Variants in CACNA1S observed in about 807,000 individuals in gnomAD.
The protein encoded by CACNA1S is voltage-dependent L-type calcium channel subunit alpha-1S.
Under a neutral mutation model 207.4 loss-of-function variants are expected in CACNA1S, and 126 were observed. That is an observed-to-expected ratio of 0.61 (90% CI 0.53 to 0.70). The LOEUF is 0.70. Among genes scored for constraint, CACNA1S ranks in the 30% least tolerant of loss-of-function variants. The pLI, the probability that CACNA1S is intolerant of heterozygous loss-of-function variation, is 0.00. For synonymous variants in CACNA1S, 960 were observed against 932.7 expected (o/e 1.03, Z -0.53); for missense variants, 2,349 against 2,422.8 (o/e 0.97, Z 0.64).
chr1:201,059,604 T>C (rs1660971157), intron 26 of CACNA1S, among the ~76,000 whole-genome samples: 1 of 152,210 alleles, frequency 6.6e-6, no homozygotes, highest in Non-Finnish European at 1.5e-5. Context: ...CCAAAGCTCA[T>C]TTACATATCT....
chr1:201,043,157 G>A, intron 40 of CACNA1S, 124 bp downstream of exon 40: 1 of 1,277,892 alleles, frequency 7.8e-7, no homozygotes, highest in Non-Finnish European at 1.1e-6. Context: ...GGATGGATTG[G>A]GGCACAAAGG....
intron 43 of CACNA1S, 65 bp from the exon 44 acceptor site, chr1:201,040,147 G>A: frequency 2.5e-6 from 4 of 1,611,884 alleles, no homozygotes; most frequent in Non-Finnish European, 3.4e-6. Context: ...ACCTGCCTCT[G>A]TTGGCCCTAC....
In CACNA1S at chr1:201,072,031, A is replaced by G. The variant is rs567399009; in HGVS notation, c.2227+724T>C. 1.3e-3 allele frequency among the ~76,000 whole-genome samples: 198 copies of G among 152,290 alleles called. 2 individuals are homozygous for G. Among genetic ancestry groups the G allele is most frequent in the African/African-American group, 4.5e-3 (185 of 41,556 alleles). The stretch of plus-strand genomic sequence containing the variant: ...TACAAGTAGCTGATCAGCTGATGGG[A>G]CAAGTAGATCTAAAATTGCCCCACT... On this transcript the variant is annotated intron_variant, in intron 16 of 43. Coordinates refer to ENST00000362061, the MANE Select transcript of CACNA1S (RefSeq NM_000069.3).
chr1:201,058,567 T>C (rs1036548214), intron 27 of CACNA1S, 76 bp from the exon 28 acceptor site: 65 of 1,195,724 alleles, frequency 5.4e-5, no homozygotes, highest in Non-Finnish European at 7.3e-5. Flanking sequence ...CAGAGGACAG[T>C]GTCCCACCCG....
rs550787562 is a variant in CACNA1S at position 201,103,371 on chromosome 1, G to A, written c.258+6793C>T. 6.6e-5 allele frequency among the ~76,000 whole-genome samples: 10 copies of A among 152,278 alleles called. No individual in the cohort carries two copies. In the South Asian group the frequency reaches 1.9e-3, roughly 28 times the overall value. ...GAGGCAGGTTGGTTTGACTTGAGAG[G>A]CCGTCCTTTCCTGCGACTCCCCAGG... On this transcript the variant is annotated intron_variant, in intron 2 of 43. Coordinates refer to ENST00000362061, the MANE Select transcript of CACNA1S (RefSeq NM_000069.3).
At chr1:201,041,373 A>C in intron 41 of CACNA1S, 131 bp downstream of exon 41, 1 of 734,228 alleles carries the variant, frequency 1.4e-6, no homozygotes. Flanking sequence ...CAGGGCCCAG[A>C]TGACTGCCAT....
In CACNA1S at chr1:201,074,588, C is replaced by T. The variant is rs764736462; in HGVS notation, c.1981G>A (p.Val661Met). 8.1e-6 allele frequency: 13 copies of T among 1,613,510 alleles called. No homozygotes were observed. Among genetic ancestry groups the T allele is most frequent in the East Asian group, 2.2e-5 (1 of 44,896 alleles). The change falls in exon 14 of 44, where the codon GTG becomes ATG. Residue 661 changes from valine (V) to methionine (M), a missense_variant. Coordinates refer to ENST00000362061, the MANE Select transcript of CACNA1S (RefSeq NM_000069.3). ...CTCTCCGCCTCGGCCAGGTTGTCCA[C>T]GGCAATGGCCAGGAAGACATTGAGC... ...ILLNVFLAIA[V>M]DNLAEAESLT... is the part of the protein sequence containing the mutation.
In CACNA1S at chr1:201,053,515, G is replaced by A; in HGVS notation, c.3739C>T (p.Leu1247=). 6.2e-7 allele frequency: 1 copy of A among 1,614,174 alleles called. No individual in the cohort carries two copies. The highest frequency in any genetic ancestry group is 8.5e-7 in the Non-Finnish European group (1 of 1,180,016). The change falls in exon 30 of 44, where the codon CTG becomes TTG. Residue 1247 remains leucine, a synonymous_variant. Transcript: ENST00000362061. This position sits in a 1 kb window ranked among gnomAD's most constrained non-coding sequence, Gnocchi z 5.1. ...GTTCGCACTCCTTCTGCCCGGCTCA[G>A]CAGCTTGATCAGCCTCATGACACGG... The part of the protein sequence containing the change: ...LFRVMRLIKL[L]SRAEGVRTLL...
intron 34 of CACNA1S, 39 bp from the exon 35 acceptor site, chr1:201,049,138 C>G (rs763712917): frequency 1.3e-5 from 19 of 1,415,688 alleles, no homozygotes; most frequent in South Asian, 1.3e-4. Flanking sequence ...CTGCTACCCT[C>G]CTCCGCTGCC....
intron 6 of CACNA1S, 99 bp downstream of exon 6, chr1:201,089,159 G>T: frequency 1.8e-6 from 2 of 1,113,596 alleles, no homozygotes; most frequent in Non-Finnish European, 2.7e-6. Context: ...GCAAGTCAGA[G>T]ACTGGCCTCC....
chr1:201,040,259 G>A lies in CACNA1S; in HGVS notation c.5342C>T (p.Ala1781Val). 1 of 1,613,756 alleles carries A rather than the reference G, an allele frequency of 6.2e-7. No individual in the cohort carries two copies. Among genetic ancestry groups the A allele is most frequent in the Non-Finnish European group, 8.5e-7 (1 of 1,179,998 alleles). The stretch of plus-strand genomic sequence containing the variant: ...TTGGATCAGCAGGGCTGTAGCTGGT[G>A]CTGAGCACCTGGAAGTATTCTCCCT... ...STRENTSRCS[A>V]PATALLIQKA... The change falls in exon 43 of 44, where the codon GCA becomes GTA. Residue 1781 changes from alanine (A) to valine (V), a missense_variant. Coordinates refer to ENST00000362061, the MANE Select transcript of CACNA1S (RefSeq NM_000069.3).
chr1:201,047,454 C>T (rs1197333535), intron 37 of CACNA1S, 71 bp downstream of exon 37: 1 of 1,374,014 alleles, frequency 7.3e-7, no homozygotes, highest in Non-Finnish European at 1.0e-6. Context: ...TCCCATGGGG[C>T]TCCTTGGAGA....
rs1660451111 is a variant in CACNA1S, at chr1:201,045,804, T to TAGAAGA, written c.4668+1305_4668+1310dup. Among the ~76,000 whole-genome samples the TAGAAGA allele has an allele frequency of 2.0e-5, 3 of 149,238 alleles. No homozygotes were observed. In the South Asian group the frequency reaches 6.4e-4, roughly 32 times the overall value. ...ATTTTGTGGTTATGTTGTGGTTACA[T>TAGAAGA]AGAAGAATTATGCAGGATAACGCCC... On this transcript the variant is annotated intron_variant, in intron 38 of 43. Transcript: ENST00000362061.
In CACNA1S at chr1:201,085,226, G is replaced by T. The variant is rs16847694; in HGVS notation, c.1151-195C>A. 0.014 allele frequency among the ~76,000 whole-genome samples: 2,135 copies of T among 152,280 alleles called. 58 individuals carry two copies. Among genetic ancestry groups the T allele is most frequent in the African/African-American group, 0.047 (1,959 of 41,540 alleles). On this transcript the variant is annotated intron_variant, in intron 8 of 43. Coordinates refer to ENST00000362061, the MANE Select transcript of CACNA1S (RefSeq NM_000069.3). ...TAAAGAGCCCACTTTATCTGCAGGGGAGGCGCTATGAGGATGGGCAGCAAG... is the reference window on the plus strand; with the variant it reads ...TAAAGAGCCCACTTTATCTGCAGGGTAGGCGCTATGAGGATGGGCAGCAAG...
At chr1:201,099,158 G>T (rs1355239437) in intron 2 of CACNA1S, among the ~76,000 whole-genome samples, 1 of 152,214 alleles carries the variant, frequency 6.6e-6, no homozygotes, top group Non-Finnish European at 1.5e-5. Flanking sequence ...AAGATGATGA[G>T]AGCTGGTTGG....
At chr1:201,067,426 C>T (rs1481139056) in intron 19 of CACNA1S, among the ~76,000 whole-genome samples, 1 of 152,162 alleles carries the variant, frequency 6.6e-6, no homozygotes, top group Non-Finnish European at 1.5e-5. Context: ...CTCTCTCCTC[C>T]CTCTCCACCT....
intron 2 of CACNA1S, among the ~76,000 whole-genome samples, chr1:201,105,902 T>A (rs1037486250): frequency 6.6e-6 from 1 of 152,130 alleles, no homozygotes; most frequent in African/African-American, 2.4e-5. Flanking sequence ...GGGAAGCCCT[T>A]CTTGCCCACA....
At chr1:201,064,698 C>T (rs1022204022) in intron 22 of CACNA1S, among the ~76,000 whole-genome samples, 1 of 152,208 alleles carries the variant, frequency 6.6e-6, no homozygotes, top group African/African-American at 2.4e-5. Context: ...GAATCAATTT[C>T]TCTGTCCTGC....
At chr1:201,072,948 G>A (rs1661475149) in intron 15 of CACNA1S, 124 bp from the exon 16 acceptor site, 1 of 809,090 alleles carries the variant, frequency 1.2e-6, no homozygotes, top group Non-Finnish European at 2.2e-6. Flanking sequence ...CTAAGGAACA[G>A]GGAATATTAT....
Sources: allele counts gnomAD v4.1 joint callset (sites outside exome capture counted in the v4.1 genomes callset), GRCh38; gene constraint gnomAD v4.1.1; non-coding constraint Gnocchi (gnomAD v3.1); transcripts MANE v1.5; gene names NCBI Gene and HGNC (gene_info 2026-07-23, HGNC 2026-07-21).